NHS: variants seen among roughly 807,000 people sequenced by gnomAD.
The protein encoded by NHS is NHS actin remodeling regulator.
NHS carries 5 observed loss-of-function variants against 72.5 expected under a neutral mutation model. The ratio of observed to expected loss-of-function variants is 0.07; its 90% CI spans 0.04 to 0.14. The LOEUF is 0.14. Ranked by LOEUF, NHS falls within the 10% of genes least tolerant of loss-of-function variation. The probability of loss-of-function intolerance (pLI) is 1.00; values close to 1 mark genes in which losing one functional copy is unlikely to be tolerated. For synonymous variants in NHS, 464 were observed against 547.7 expected, an observed-to-expected ratio of 0.85 and a Z score of 2.13; for missense variants, 1,072 against 1,355.7, an observed-to-expected ratio of 0.79 and a Z score of 3.29.
chrX:17,486,383 T>C (rs1272911628), intron 1 of NHS, among the ~76,000 whole-genome samples: 2 of 112,277 alleles, frequency 1.8e-5, no homozygotes, highest in East Asian at 2.8e-4. Context: ...TCTATTGTCA[T>C]GTTTTCAGTT....
chrX:17,657,241 C>G (rs745782022), intron 1 of NHS, among the ~76,000 whole-genome samples: 24 of 112,948 alleles, frequency 2.1e-4, no homozygotes, highest in African/African-American at 7.4e-4. Flanking sequence ...TCCTCACCCC[C>G]CTGCGGGGAA....
At chrX:17,578,777 CAAAG>C (rs1436890065) in intron 1 of NHS, among the ~76,000 whole-genome samples, 2 of 112,134 alleles carry the variant, frequency 1.8e-5, no homozygotes, top group East Asian at 5.6e-4. Flanking sequence ...TTTCCACAAA[CAAAG>C]AAAAACCTGT....
At chrX:17,489,640 G>A (rs977096680) in intron 1 of NHS, among the ~76,000 whole-genome samples, 10 of 111,248 alleles carry the variant, frequency 9.0e-5, no homozygotes, top group Admixed American at 2.9e-4. Context: ...GGCACACACC[G>A]CCACGCCCAG....
chrX:17,722,839 G>A (rs1173658178), intron 5 of NHS, among the ~76,000 whole-genome samples: 2 of 110,900 alleles, frequency 1.8e-5, no homozygotes, highest in Non-Finnish European at 3.8e-5. Context: ...TCATGGCACT[G>A]TAAGTAAAAT....
rs1198446760 is a variant in NHS at position 17,483,235 on chromosome X, TAC to T, written c.565+106915_565+106916del. Among the ~76,000 whole-genome samples the T allele has an allele frequency of 2.7e-5, 3 of 112,214 alleles. No homozygotes were observed. The Admixed American group carries it at 2.8e-4, about 11-fold the overall frequency. ...GCAAAGGAAGCCAAGTATATTGAAA[TAC>T]AGTTATCAAAGTATTTAAAAAATTC... On this transcript the variant is annotated intron_variant, in intron 1 of 8. Coordinates refer to ENST00000676302, the MANE Select transcript of NHS (RefSeq NM_001291867.2).
intron 1 of NHS, among the ~76,000 whole-genome samples, chrX:17,643,361 T>C (rs2065891189): frequency 9.0e-6 from 1 of 110,833 alleles, no homozygotes. Context: ...AAACTAAACA[T>C]GGGAGTGATG....
chrX:17,679,306 T>G (rs2066108720), intron 1 of NHS, among the ~76,000 whole-genome samples: 1 of 112,002 alleles, frequency 8.9e-6, no homozygotes, highest in Admixed American at 9.5e-5. Flanking sequence ...ATGAAACCCA[T>G]AGTTGGTGCA....
intron 3 of NHS, among the ~76,000 whole-genome samples, chrX:17,714,279 C>T (rs2066352197): frequency 9.1e-6 from 1 of 109,822 alleles, no homozygotes; most frequent in African/African-American, 3.3e-5. Context: ...TTTAAACTGA[C>T]GGTTTGTTTC....
intron 5 of NHS, among the ~76,000 whole-genome samples, chrX:17,722,717 T>G (rs2066413446): frequency 9.0e-6 from 1 of 111,336 alleles, no homozygotes; most frequent in South Asian, 3.9e-4. Flanking sequence ...ATCTCCACAA[T>G]CTAAATGGGA....
rs1192238294 is a variant in NHS at position 17,409,931 on chromosome X, G to A, written c.565+33609G>A. 2.7e-5 allele frequency among the ~76,000 whole-genome samples: 3 copies of A among 111,749 alleles called. No homozygotes were observed. In the East Asian group the frequency reaches 8.5e-4, roughly 32 times the overall value. Reference sequence around the variant, plus strand: ...TGAGCAAAACTTGTGGCACAAATGAGAAATTTTATGTACTTAATGCTTTTT... The same window carrying A: ...TGAGCAAAACTTGTGGCACAAATGAAAAATTTTATGTACTTAATGCTTTTT... On this transcript the variant is annotated intron_variant, in intron 1 of 8. Coordinates refer to ENST00000676302, the MANE Select transcript of NHS (RefSeq NM_001291867.2).
At chrX:17,641,152 A>G in intron 1 of NHS, among the ~76,000 whole-genome samples, 1 of 111,671 alleles carries the variant, frequency 9.0e-6, no homozygotes, top group East Asian at 2.8e-4. Flanking sequence ...AAAAGACATC[A>G]TGGGTAAGAA....
chrX:17,451,408 T>A (rs1442938285), intron 1 of NHS, among the ~76,000 whole-genome samples: 1 of 112,243 alleles, frequency 8.9e-6, no homozygotes, highest in Non-Finnish European at 1.9e-5. Flanking sequence ...AATTTGACAG[T>A]TTTTTATATA....
At chrX:17,641,762 TAA>T (rs760304131) in intron 1 of NHS, among the ~76,000 whole-genome samples, 1,558 of 96,385 alleles carry the variant, frequency 0.016, 37 homozygotes, top group African/African-American at 0.054. Flanking sequence ...TGTGTCTATT[TAA>T]AAAAAAAAAA....
intron 1 of NHS, among the ~76,000 whole-genome samples, chrX:17,433,752 A>G (rs948518163): frequency 1.8e-5 from 2 of 112,003 alleles, no homozygotes; most frequent in African/African-American, 6.5e-5. Context: ...TGCCTGAAAA[A>G]CAGGAATATG....
intron 1 of NHS, among the ~76,000 whole-genome samples, chrX:17,569,425 T>G (rs1272429540): frequency 9.2e-6 from 1 of 108,950 alleles, no homozygotes; most frequent in Non-Finnish European, 1.9e-5. Flanking sequence ...CCAGTGATGA[T>G]GAGCATTTTT....
chrX:17,519,838 A>T (rs1255521909), intron 1 of NHS, among the ~76,000 whole-genome samples: 1 of 110,758 alleles, frequency 9.0e-6, no homozygotes, highest in Non-Finnish European at 1.9e-5. Context: ...CGTCATCATC[A>T]TCCTCATTTC....
intron 1 of NHS, among the ~76,000 whole-genome samples, chrX:17,638,861 G>C (rs2065865023): frequency 9.0e-6 from 1 of 111,603 alleles, no homozygotes; most frequent in Non-Finnish European, 1.9e-5. Flanking sequence ...CTTGGGCAGA[G>C]GGCCAGGACA....
chrX:17,712,290 TAC>T lies in NHS; in HGVS notation c.853-7034_853-7033del, dbSNP rs1308908423. ...ATATATATATATATATATATATATATACACACACACACACACACACATATATA... is the reference window on the plus strand; with the variant it reads ...ATATATATATATATATATATATATATACACACACACACACACACATATATA... On this transcript the variant is annotated intron_variant, in intron 3 of 8. Transcript: ENST00000676302. 1.1e-3 allele frequency among the ~76,000 whole-genome samples: 60 copies of T among 52,998 alleles called. 1 individual carries two copies. The highest frequency in any genetic ancestry group is 3.4e-3 in the African/African-American group (46 of 13,417). 46.0% of individuals were successfully genotyped at this position (52,998 alleles called of 115,157 possible). A position where few individuals can be genotyped will look rare whatever the true frequency, so the allele number is the denominator to read the frequency against.
chrX:17,574,638 C>T (rs368870112), intron 1 of NHS, among the ~76,000 whole-genome samples: 15 of 112,145 alleles, frequency 1.3e-4, no homozygotes, highest in African/African-American at 3.2e-4. Flanking sequence ...GGAAATCCCC[C>T]GACCCCTTGT....
Sources: allele counts gnomAD v4.1 joint callset (sites outside exome capture counted in the v4.1 genomes callset), GRCh38; gene constraint gnomAD v4.1.1; transcripts MANE v1.5; gene names NCBI Gene and HGNC (gene_info 2026-07-23, HGNC 2026-07-21).